IL23R: variants seen among roughly 807,000 people sequenced by gnomAD.
IL23R encodes the protein interleukin 23 receptor.
In IL23R, 34 loss-of-function variants were observed where a neutral mutation model predicts 56.9. That is an observed-to-expected ratio of 0.60 (90% CI 0.45 to 0.80). IL23R has a LOEUF of 0.80. IL23R is among the 30% of genes least tolerant of loss of function. The pLI is 0.00. For synonymous variants in IL23R, 230 were observed against 249.2 expected, an observed-to-expected ratio of 0.92 and a Z score of 0.73; for missense variants, 635 against 730.0, an observed-to-expected ratio of 0.87 and a Z score of 1.50.
intron 1 of IL23R, among the ~76,000 whole-genome samples, chr1:67,156,786 C>G (rs1466212673): frequency 6.6e-6 from 1 of 152,198 alleles, no homozygotes. Flanking sequence ...CCACTTGGCT[C>G]CCTGGCTTCA....
At chr1:67,142,969 A>G (rs886780520) in intron 1 of IL23R, among the ~76,000 whole-genome samples, 5 of 152,230 alleles carry the variant, frequency 3.3e-5, no homozygotes, top group Non-Finnish European at 5.9e-5. Context: ...AGGTAGGTAT[A>G]ACTATGCCTA....
At chr1:67,141,188 A>C (rs959363920) in intron 1 of IL23R, among the ~76,000 whole-genome samples, 5 of 152,236 alleles carry the variant, frequency 3.3e-5, no homozygotes, top group Non-Finnish European at 7.3e-5. Context: ...TCTCTGTTCA[A>C]AGAAAAAGAT....
intron 4 of IL23R, among the ~76,000 whole-genome samples, chr1:67,189,158 T>G (rs999144908): frequency 2.9e-4 from 44 of 152,268 alleles, no homozygotes; most frequent in African/African-American, 1.1e-3. Flanking sequence ...AGTACATTTA[T>G]TCATTCAAAC....
rs11465786 is a variant in IL23R at position 67,182,513 on chromosome 1, T to G, written c.368-323T>G. ...TGCAGTATTAGGGTGGGAGTGACCCTATTTTCCAGGTGCCATCTGTCACCC... is the reference window on the plus strand; with the variant it reads ...TGCAGTATTAGGGTGGGAGTGACCCGATTTTCCAGGTGCCATCTGTCACCC... On this transcript the variant is annotated intron_variant, in intron 3 of 10. Transcript: ENST00000347310. 3.1e-3 allele frequency among the ~76,000 whole-genome samples: 478 copies of G among 152,258 alleles called. 5 individuals are homozygous for G. The highest frequency in any genetic ancestry group is 0.011 in the African/African-American group (461 of 41,558).
chr1:67,168,320 C>A (rs1646898345), intron 2 of IL23R, 130 bp downstream of exon 2: 1 of 773,292 alleles, frequency 1.3e-6, no homozygotes, highest in Non-Finnish European at 2.2e-6. Flanking sequence ...AAAATGTGTG[C>A]ATAAAAATTA....
chr1:67,239,109 A>G (rs1191408249), intron 8 of IL23R, among the ~76,000 whole-genome samples: 1 of 152,178 alleles, frequency 6.6e-6, no homozygotes, highest in East Asian at 1.9e-4. Flanking sequence ...TGCCTCAACT[A>G]TCTTCTATAT....
upstream of IL23R, among the ~76,000 whole-genome samples, chr1:67,162,802 T>A (rs1175169441): frequency 6.6e-6 from 1 of 152,160 alleles, no homozygotes; most frequent in Non-Finnish European, 1.5e-5. Flanking sequence ...AGATTTGAGA[T>A]GGAGGGATGC....
At chr1:67,196,548 T>C (rs555828778) in intron 4 of IL23R, among the ~76,000 whole-genome samples, 139 of 152,096 alleles carry the variant, frequency 9.1e-4, no homozygotes, top group African/African-American at 3.0e-3. Flanking sequence ...CTCTAAAAAA[T>C]AGAAGAAAAT....
Position 67,182,877 on chromosome 1 carries a change from G to A in IL23R, c.409G>A (p.Glu137Lys). 1 of 1,614,000 alleles carries A rather than the reference G, an allele frequency of 6.2e-7. No homozygotes were observed. Among genetic ancestry groups the A allele is most frequent in the Non-Finnish European group, 8.5e-7 (1 of 1,179,940 alleles). Residue 137 changes from glutamate (E) to lysine (K), a missense_variant, in exon 4 of 11, where the codon GAA (glutamate) becomes AAA (lysine). Transcript: ENST00000347310. ...IPDEVTCVIY[E>K]YSGNMTCTWN... ...TGATGAAGTAACCTGTGTCATTTAT[G>A]AATATTCAGGCAACATGACTTGCAC...
At chr1:67,205,896 T>TTTC (rs1648983533) in intron 5 of IL23R, among the ~76,000 whole-genome samples, 1 of 123,560 alleles carries the variant, frequency 8.1e-6, no homozygotes, top group African/African-American at 2.8e-5. Context: ...TCTTTCTTTC[T>TTTC]TTCTTTCTTT....
chr1:67,217,052 G>A (rs1188599973), intron 6 of IL23R, among the ~76,000 whole-genome samples: 1 of 152,118 alleles, frequency 6.6e-6, no homozygotes, highest in African/African-American at 2.4e-5. Flanking sequence ...ACTGATAGTT[G>A]GGGAAGGTAG....
rs1652662634 is a variant in IL23R, at chr1:67,252,088, AT to A, written c.1149-3745del. On this transcript the variant is annotated intron_variant, in intron 9 of 10. Coordinates refer to ENST00000347310, the MANE Select transcript of IL23R (RefSeq NM_144701.3). ...TCCATTGTAAGTTATCTTTAGTAAAATTTTGCTATTTCTGTAAGACTTTGCT... is the reference window on the plus strand; with the variant it reads ...TCCATTGTAAGTTATCTTTAGTAAAATTTGCTATTTCTGTAAGACTTTGCT... 2.6e-5 allele frequency among the ~76,000 whole-genome samples: 4 copies of A among 152,020 alleles called. No homozygotes were observed. The South Asian group carries it at 8.3e-4, about 32-fold the overall frequency.
intron 1 of IL23R, among the ~76,000 whole-genome samples, chr1:67,160,428 C>G (rs543911886): frequency 6.6e-6 from 1 of 152,300 alleles, no homozygotes; most frequent in Admixed American, 6.5e-5. Flanking sequence ...GGCTTCTATG[C>G]AGATGGGTCC....
At chr1:67,199,248 T>C (rs1268526964) in intron 4 of IL23R, among the ~76,000 whole-genome samples, 1 of 152,226 alleles carries the variant, frequency 6.6e-6, no homozygotes, top group Non-Finnish European at 1.5e-5. Flanking sequence ...ATTGCACTTG[T>C]TGAACCTTCT....
chr1:67,200,733 TAA>T lies in IL23R; in HGVS notation c.492-3_492-2del. On this transcript the variant is annotated splice_acceptor_variant and splice_polypyrimidine_tract_variant and intron_variant, in intron 4 of 10. Coordinates refer to ENST00000347310, the MANE Select transcript of IL23R (RefSeq NM_144701.3). LOFTEE classifies it high-confidence loss of function. Reference sequence around the variant, plus strand: ...TTATGATCATCTTTTTTTTTTGTTTTAAGTTTAGAGACAGAAGAAGAGCAACA... The same window carrying T: ...TTATGATCATCTTTTTTTTTTGTTTTGTTTAGAGACAGAAGAAGAGCAACA... 1.2e-6 allele frequency: 2 copies of T among 1,613,198 alleles called. No individual in the cohort carries two copies. The highest frequency in any genetic ancestry group is 2.2e-5 in the East Asian group (1 of 44,862).
chr1:67,224,450 A>G (rs1220082399), intron 7 of IL23R, among the ~76,000 whole-genome samples: 1 of 152,238 alleles, frequency 6.6e-6, no homozygotes, highest in African/African-American at 2.4e-5. Flanking sequence ...TGACATGTGT[A>G]TTACTGAATT....
chr1:67,152,689 G>A (rs1570758351), intron 1 of IL23R, among the ~76,000 whole-genome samples: 1 of 152,134 alleles, frequency 6.6e-6, no homozygotes, highest in Admixed American at 6.5e-5. Context: ...GGCCTTTTCT[G>A]CGTCTATTGA....
chr1:67,145,817 T>A (rs1195194344), intron 1 of IL23R, among the ~76,000 whole-genome samples: 1 of 152,206 alleles, frequency 6.6e-6, no homozygotes, highest in African/African-American at 2.4e-5. Context: ...CAGTATCACA[T>A]ATTCTTGTAG....
At chr1:67,177,121 G>A (rs901025159) in intron 3 of IL23R, among the ~76,000 whole-genome samples, 5 of 152,104 alleles carry the variant, frequency 3.3e-5, no homozygotes. Flanking sequence ...ATAATCCTTT[G>A]GGTATATACT....
Sources: allele counts gnomAD v4.1 joint callset (sites outside exome capture counted in the v4.1 genomes callset), GRCh38; gene constraint gnomAD v4.1.1; transcripts MANE v1.5; gene names NCBI Gene and HGNC (gene_info 2026-07-23, HGNC 2026-07-21).